Variants in GDAP1 observed in about 807,000 individuals in gnomAD.
GDAP1 encodes ganglioside-induced differentiation-associated protein 1.
GDAP1 carries 34 observed loss-of-function variants against 40.1 expected under a neutral mutation model. That is an observed-to-expected ratio of 0.85 (90% CI 0.64 to 1.13). The LOEUF is 1.13. Among genes scored for constraint, GDAP1 ranks in the 50% most tolerant of loss-of-function variants. The probability of loss-of-function intolerance (pLI) is 0.00; values close to 1 mark genes in which losing one functional copy is unlikely to be tolerated. For missense variants in GDAP1, 374 were observed against 433.7 expected, an observed-to-expected ratio of 0.86 and a Z score of 1.22; for synonymous variants, 170 against 157.4, an observed-to-expected ratio of 1.08 and a Z score of -0.60.
At chr8:74,408,375 A>G (rs1266908172) in intron 2 of GDAP1, among the ~76,000 whole-genome samples, 1 of 150,128 alleles carries the variant, frequency 6.7e-6, no homozygotes, top group Non-Finnish European at 1.5e-5. Context: ...AAATTCATCT[A>G]TTGAAAACTA....
chr8:74,381,749 C>G lies in GDAP1; in HGVS notation c.165+30428C>G, dbSNP rs547895087. On this transcript the variant is annotated intron_variant, in intron 2 of 2. Transcript: ENST00000523640. Reference sequence around the variant, plus strand: ...CCAGCCTGGGTGACAGAGCGAAACTCCATCTCAAATTAAAAAAAAAAAAAA... The same window carrying G: ...CCAGCCTGGGTGACAGAGCGAAACTGCATCTCAAATTAAAAAAAAAAAAAA... Among the ~76,000 whole-genome samples the G allele has an allele frequency of 5.4e-5, 6 of 111,736 alleles. No homozygotes were observed. In the South Asian group the frequency reaches 2.2e-3, roughly 41 times the overall value. The allele number at this position is 111,736 out of a possible 152,430, so 73.3% of individuals were successfully genotyped here. A position where few individuals can be genotyped will look rare whatever the true frequency, so the allele number is the denominator to read the frequency against.
chr8:74,483,782 G>A lies in GDAP1; in HGVS notation c.166-4896G>A, dbSNP rs71527258. 3.6e-3 allele frequency among the ~76,000 whole-genome samples: 542 copies of A among 152,252 alleles called. 1 individual carries two copies. In the Middle Eastern group the frequency reaches 0.044, roughly 12 times the overall value. ...TTATATTGGAATAGCTTCTACTTAG[G>A]AGAAGTTGGAGGGCTAACTCTTGCC... is the stretch of plus-strand genomic sequence containing the variant. On this transcript the variant is annotated intron_variant, in intron 2 of 2. Transcript: ENST00000523640.
intron 2 of GDAP1, among the ~76,000 whole-genome samples, chr8:74,426,316 CAG>C (rs1244273617): frequency 3.9e-5 from 6 of 152,144 alleles, no homozygotes. Context: ...AACTAAAGTG[CAG>C]ACTAATCTTT....
intron 2 of GDAP1, among the ~76,000 whole-genome samples, chr8:74,413,040 C>G (rs1293302537): frequency 9.6e-6 from 1 of 104,588 alleles, no homozygotes; most frequent in Non-Finnish European, 1.7e-5. Flanking sequence ...GCACTCCAGC[C>G]TGGCGATAAA....
At chr8:74,376,409 C>T (rs1344188762) in intron 2 of GDAP1, among the ~76,000 whole-genome samples, 16 of 139,600 alleles carry the variant, frequency 1.1e-4, no homozygotes, top group South Asian at 2.2e-4. Flanking sequence ...AGTGCAGTGG[C>T]GCGATCTTGG....
At chr8:74,466,052 C>T (rs555771329) in intron 2 of GDAP1, among the ~76,000 whole-genome samples, 3 of 152,208 alleles carry the variant, frequency 2.0e-5, no homozygotes, top group Non-Finnish European at 4.4e-5. Flanking sequence ...AGATTGGATA[C>T]TGCCATACTC....
intron 2 of GDAP1, among the ~76,000 whole-genome samples, chr8:74,354,608 T>C (rs145381868): frequency 0.013 from 1,939 of 152,330 alleles, 19 homozygotes; most frequent in Non-Finnish European, 0.018. Flanking sequence ...AAAATAGGCA[T>C]GAGACTTTTG....
At chr8:74,416,915 TTTTTTTG>T (rs1021271223) in intron 2 of GDAP1, among the ~76,000 whole-genome samples, 11 of 125,428 alleles carry the variant, frequency 8.8e-5, no homozygotes, top group Non-Finnish European at 1.2e-4. Flanking sequence ...TTTTTTTTTG[TTTTTTTG>T]TTTTTTGTTT....
At chr8:74,401,522 T>G (rs1003837429) in intron 2 of GDAP1, among the ~76,000 whole-genome samples, 4 of 150,026 alleles carry the variant, frequency 2.7e-5, no homozygotes, top group Admixed American at 6.6e-5. Flanking sequence ...CTCGGAGTAG[T>G]TTGATCGTCT....
At chr8:74,421,081 A>G (rs535118648) in intron 2 of GDAP1, among the ~76,000 whole-genome samples, 1 of 152,272 alleles carries the variant, frequency 6.6e-6, no homozygotes, top group Admixed American at 6.5e-5. Context: ...ATAGACAGAT[A>G]TTGCTATTGT....
intron 2 of GDAP1, among the ~76,000 whole-genome samples, chr8:74,481,646 G>C (rs1806712232): frequency 6.6e-6 from 1 of 152,102 alleles, no homozygotes; most frequent in Non-Finnish European, 1.5e-5. Flanking sequence ...CTTTGTTTTG[G>C]TCTGACTGGA....
At chr8:74,378,636 G>C (rs1809899252) in intron 2 of GDAP1, among the ~76,000 whole-genome samples, 1 of 152,170 alleles carries the variant, frequency 6.6e-6, no homozygotes, top group African/African-American at 2.4e-5. Context: ...AGGATTCTGA[G>C]CTAGCAGAGG....
At chr8:74,410,586 A>G (rs1376880433) in intron 2 of GDAP1, among the ~76,000 whole-genome samples, 1 of 150,280 alleles carries the variant, frequency 6.7e-6, no homozygotes, top group Admixed American at 6.6e-5. Context: ...AGAAAAGTAT[A>G]GTAGTTCTTT....
intron 2 of GDAP1, among the ~76,000 whole-genome samples, chr8:74,404,492 C>A (rs1274446821): frequency 6.7e-6 from 1 of 149,532 alleles, no homozygotes; most frequent in Non-Finnish European, 1.5e-5. Context: ...AAGTTATTCT[C>A]ATTTTAAGAA....
intron 2 of GDAP1, among the ~76,000 whole-genome samples, chr8:74,417,976 C>G (rs566917442): frequency 1.9e-4 from 29 of 152,108 alleles, no homozygotes; most frequent in African/African-American, 6.7e-4. Flanking sequence ...ATAAATCTAG[C>G]AAAACAAGTA....
intron 2 of GDAP1, among the ~76,000 whole-genome samples, chr8:74,463,200 C>CA (rs1806423471): frequency 7.0e-6 from 1 of 142,318 alleles, no homozygotes; most frequent in Non-Finnish European, 1.5e-5. Context: ...GCCTATAATC[C>CA]CAGCACTTTG....
intron 2 of GDAP1, among the ~76,000 whole-genome samples, chr8:74,413,659 G>A (rs1157455626): frequency 3.4e-5 from 5 of 148,818 alleles, no homozygotes; most frequent in Non-Finnish European, 7.4e-5. Context: ...TGAGGGAGGC[G>A]ATCTTCCTTT....
chr8:74,391,141 A>G (rs1810102117), intron 2 of GDAP1, among the ~76,000 whole-genome samples: 2 of 152,082 alleles, frequency 1.3e-5, no homozygotes, highest in South Asian at 4.2e-4. Flanking sequence ...CTGCTGAGCC[A>G]GACCACTTAG....
intron 2 of GDAP1, among the ~76,000 whole-genome samples, chr8:74,405,381 G>C (rs1470289932): frequency 6.7e-6 from 1 of 150,106 alleles, no homozygotes; most frequent in African/African-American, 2.5e-5. Flanking sequence ...ATACTGTATT[G>C]TTTAGGGAAT....
Sources: allele counts gnomAD v4.1 joint callset (sites outside exome capture counted in the v4.1 genomes callset), GRCh38; gene constraint gnomAD v4.1.1; transcripts MANE v1.5; gene names NCBI Gene and HGNC (gene_info 2026-07-23, HGNC 2026-07-21).